The following BBX variants were observed in gnomAD, a reference collection of about 807,000 sequenced individuals.
BBX encodes BBX high mobility group box domain containing.
A neutral mutation model predicts 100.2 loss-of-function variants in BBX; 30 were observed. That is an observed-to-expected ratio of 0.30 (90% CI 0.22 to 0.41). The LOEUF is 0.41. Ranked by LOEUF, BBX falls within the 10% of genes least tolerant of loss-of-function variation. The pLI is 1.00. For missense variants in BBX, 1,023 were observed against 1,129.8 expected (o/e 0.91, Z 1.35); for synonymous variants, 376 against 388.1 (o/e 0.97, Z 0.37).
At chr3:107,691,470 T>C (rs775760688) in intron 3 of BBX, among the ~76,000 whole-genome samples, 5 of 152,236 alleles carry the variant, frequency 3.3e-5, no homozygotes, top group African/African-American at 7.2e-5. Flanking sequence ...AGCACTGTTA[T>C]GACTGAATCA....
chr3:107,608,068 T>C (rs1420157686), intron 2 of BBX, among the ~76,000 whole-genome samples: 1 of 152,164 alleles, frequency 6.6e-6, no homozygotes, highest in Non-Finnish European at 1.5e-5. Flanking sequence ...TGACTTGATA[T>C]GATCCCATCT....
chr3:107,805,783 C>T lies in BBX; in HGVS notation c.*326C>T, dbSNP rs979717337. 1 of 348,474 alleles carries T rather than the reference C, an allele frequency of 2.9e-6. No homozygotes were observed. Among genetic ancestry groups the T allele is most frequent in the Non-Finnish European group, 5.2e-6 (1 of 193,566 alleles). The allele number at this position is 348,474 out of a possible 1,614,324, so 21.6% of individuals were successfully genotyped here. A position where few individuals can be genotyped will look rare whatever the true frequency, so the allele number is the denominator to read the frequency against. On this transcript the variant is annotated 3_prime_UTR_variant, in exon 18 of 18. Transcript: ENST00000325805. Reference sequence around the variant, plus strand: ...GCCTTTACTGTAGCTCACCCAGCATCTCTTTTACCAACCAGAGAGTGTGAA... The same window carrying T: ...GCCTTTACTGTAGCTCACCCAGCATTTCTTTTACCAACCAGAGAGTGTGAA...
intron 3 of BBX, among the ~76,000 whole-genome samples, chr3:107,646,245 C>T (rs1193181421): frequency 1.3e-5 from 2 of 150,116 alleles, no homozygotes; most frequent in Non-Finnish European, 3.0e-5. Flanking sequence ...TTAAATTGAT[C>T]TGTTCCCCAA....
chr3:107,625,076 A>G (rs995227058), intron 2 of BBX, among the ~76,000 whole-genome samples: 1 of 152,170 alleles, frequency 6.6e-6, no homozygotes, highest in Non-Finnish European at 1.5e-5. Context: ...GAGTTGCTGG[A>G]CAACTTTGGA....
chr3:107,610,877 C>T (rs1260836936), intron 2 of BBX, among the ~76,000 whole-genome samples: 1 of 151,520 alleles, frequency 6.6e-6, no homozygotes, highest in Non-Finnish European at 1.5e-5. Context: ...TAAGTTAGGA[C>T]TTACTCCTGC....
At chr3:107,536,951 A>G (rs2048538124) in intron 2 of BBX, among the ~76,000 whole-genome samples, 1 of 152,224 alleles carries the variant, frequency 6.6e-6, no homozygotes, top group Non-Finnish European at 1.5e-5. Context: ...GGCCAGTTCC[A>G]GCATAGGCGC....
Position 107,809,771 on chromosome 3 carries a change from T to A in BBX, c.*4314T>A, listed in dbSNP as rs1463528674. 1.3e-5 allele frequency: 2 copies of A among 152,236 alleles called. No homozygotes were observed. Among genetic ancestry groups the A allele is most frequent in the Non-Finnish European group, 2.9e-5 (2 of 68,038 alleles). 9.4% of individuals were successfully genotyped at this position (152,236 alleles called of 1,614,324 possible). On this transcript the variant is annotated 3_prime_UTR_variant, in exon 18 of 18. Transcript: ENST00000325805. The stretch of plus-strand genomic sequence containing the variant: ...GAAATTAAAACTTAGCTTTCCCAAA[T>A]AGCTCCTTATTTTGCACCTTATAAA...
intron 3 of BBX, among the ~76,000 whole-genome samples, chr3:107,661,067 T>C (rs2058421557): frequency 6.6e-6 from 1 of 152,220 alleles, no homozygotes; most frequent in Non-Finnish European, 1.5e-5. Flanking sequence ...CTAGCCCTTT[T>C]TAAAAATTTT....
intron 3 of BBX, among the ~76,000 whole-genome samples, chr3:107,647,596 A>G (rs2057595690): frequency 6.6e-6 from 1 of 152,328 alleles, no homozygotes; most frequent in Non-Finnish European, 1.5e-5. Context: ...TGAGAAATAG[A>G]AAAGATGCCA....
intron 2 of BBX, among the ~76,000 whole-genome samples, chr3:107,591,913 T>C (rs960533455): frequency 1.3e-5 from 2 of 152,242 alleles, no homozygotes; most frequent in African/African-American, 4.8e-5. Context: ...AAAGGGAAGA[T>C]ATTTGAAAGT....
intron 2 of BBX, among the ~76,000 whole-genome samples, chr3:107,606,812 T>C (rs1411004877): frequency 1.3e-5 from 2 of 152,142 alleles, no homozygotes; most frequent in Non-Finnish European, 2.9e-5. Context: ...GATTATACTC[T>C]TTTAGTTATT....
chr3:107,612,327 A>G (rs562409134), intron 2 of BBX, among the ~76,000 whole-genome samples: 1 of 151,924 alleles, frequency 6.6e-6, no homozygotes, highest in East Asian at 1.9e-4. Context: ...AAAGTTGGGT[A>G]TTTACTGTTG....
At chr3:107,788,202 C>G (rs2068633854) in intron 13 of BBX, among the ~76,000 whole-genome samples, 1 of 152,068 alleles carries the variant, frequency 6.6e-6, no homozygotes, top group African/African-American at 2.4e-5. Flanking sequence ...GGACAAGGGC[C>G]AAGCCCAGAG....
intron 2 of BBX, among the ~76,000 whole-genome samples, chr3:107,553,787 A>G (rs2049877424): frequency 6.6e-6 from 1 of 152,236 alleles, no homozygotes; most frequent in African/African-American, 2.4e-5. Flanking sequence ...AGGTATGGTT[A>G]CTTACCCAGT....
intron 2 of BBX, among the ~76,000 whole-genome samples, chr3:107,624,227 C>G (rs140539352): frequency 6.9e-4 from 105 of 152,244 alleles, no homozygotes; most frequent in African/African-American, 2.2e-3. Flanking sequence ...TAATGTAAAG[C>G]ATTTAGAATA....
At chr3:107,729,442 A>C (rs1359020624) in intron 6 of BBX, among the ~76,000 whole-genome samples, 1 of 152,146 alleles carries the variant, frequency 6.6e-6, no homozygotes, top group Non-Finnish European at 1.5e-5. Context: ...CTTAGAGAGA[A>C]TTCCCATCCT....
At chr3:107,674,680 A>G (rs1187816578) in intron 3 of BBX, 1 of 152,644 alleles carries the variant, frequency 6.6e-6, no homozygotes, top group Non-Finnish European at 1.5e-5. Flanking sequence ...AGCAGTTTGT[A>G]TAGAAGAGGA....
In BBX at chr3:107,710,580, A is replaced by T; in HGVS notation, c.120A>T (p.Ser40=). 1 of 1,613,706 alleles carries T rather than the reference A, an allele frequency of 6.2e-7. No homozygotes were observed. The highest frequency in any genetic ancestry group is 1.7e-5 in the Admixed American group (1 of 59,990). ...TAGCAAAGAAACTTCTTGATTTTTC[A>T]GAAGAGGAAGAAGAGGAAGACGAAG... ...PLLAKKLLDF[S]EEEEEEDEEE... is the part of the protein sequence containing the mutation. The change falls in exon 4 of 18, where the codon TCA becomes TCT. Residue 40 remains serine, a synonymous_variant. Coordinates refer to ENST00000325805, the MANE Select transcript of BBX (RefSeq NM_001142568.3).
At chr3:107,604,948 C>T (rs1290020822) in intron 2 of BBX, among the ~76,000 whole-genome samples, 1 of 152,138 alleles carries the variant, frequency 6.6e-6, no homozygotes, top group Non-Finnish European at 1.5e-5. Context: ...TATTTCAGTT[C>T]ATCTTTACAG....
Sources: gnomAD v4.1 joint callset for allele counts (sites outside exome capture counted in the v4.1 genomes callset) on GRCh38, gnomAD v4.1.1 for gene constraint, MANE v1.5 for transcripts, NCBI Gene and HGNC (gene_info 2026-07-23, HGNC 2026-07-21) for gene names.